Variants in NAV2 observed in about 807,000 individuals in gnomAD.
The protein encoded by NAV2 is neuron navigator 2, also known as helicase, APC down-regulated 1.
A neutral mutation model predicts 223.2 loss-of-function variants in NAV2; 54 were observed. The ratio of observed to expected loss-of-function variants is 0.24; its 90% CI spans 0.19 to 0.30. The LOEUF is 0.30. Ranked by LOEUF, NAV2 falls within the 10% of genes least tolerant of loss-of-function variation. The pLI, the probability that NAV2 is intolerant of heterozygous loss-of-function variation, is 1.00. For synonymous variants in NAV2, 1,279 were observed against 1,239.3 expected, an observed-to-expected ratio of 1.03 and a Z score of -0.67; for missense variants, 2,806 against 3,147.5, an observed-to-expected ratio of 0.89 and a Z score of 2.60.
intron 11 of NAV2, among the ~76,000 whole-genome samples, chr11:20,031,061 G>A (rs556305859): frequency 2.0e-4 from 30 of 152,242 alleles, no homozygotes; most frequent in South Asian, 6.2e-4. Flanking sequence ...TGGGCTCAGC[G>A]CCATCATATG....
chr11:20,117,065 T>A (rs2063164753), intron 37 of NAV2, among the ~76,000 whole-genome samples: 1 of 152,198 alleles, frequency 6.6e-6, no homozygotes, highest in Non-Finnish European at 1.5e-5. Flanking sequence ...CTGGGTAGAC[T>A]CTGCAAAGCA....
At chr11:19,870,145 T>G (rs754552266) in intron 4 of NAV2, among the ~76,000 whole-genome samples, 3 of 152,140 alleles carry the variant, frequency 2.0e-5, no homozygotes, top group Non-Finnish European at 2.9e-5. Flanking sequence ...CAGAAGCAGT[T>G]GTCGTGTGGT....
chr11:19,951,571 G>T (rs1175193991), intron 10 of NAV2, among the ~76,000 whole-genome samples: 2 of 14,548 alleles, frequency 1.4e-4, no homozygotes, highest in Non-Finnish European at 3.0e-4. Flanking sequence ...TGAGGTTTTT[G>T]TATCCTGTAA....
intron 1 of NAV2, among the ~76,000 whole-genome samples, chr11:19,792,524 C>T (rs1040352806): frequency 6.6e-6 from 1 of 152,162 alleles, no homozygotes; most frequent in Admixed American, 6.5e-5. Flanking sequence ...AAGAGAAAAC[C>T]TCTATTCCTC....
At chr11:19,861,899 T>C (rs1388035959) in intron 3 of NAV2, among the ~76,000 whole-genome samples, 1 of 152,226 alleles carries the variant, frequency 6.6e-6, no homozygotes, top group Non-Finnish European at 1.5e-5. Flanking sequence ...TCTCATAGGG[T>C]CTACCATCTC....
At chr11:19,412,589 C>T (rs1850192122) in intron 1 of NAV2, among the ~76,000 whole-genome samples, 1 of 152,210 alleles carries the variant, frequency 6.6e-6, no homozygotes, top group African/African-American at 2.4e-5. Context: ...GACAGACTGC[C>T]TTCTCAAGTG....
At chr11:19,900,011 T>A (rs1319319673) in intron 6 of NAV2, among the ~76,000 whole-genome samples, 1 of 152,122 alleles carries the variant, frequency 6.6e-6, no homozygotes, top group African/African-American at 2.4e-5. Flanking sequence ...AGGTGTCGGT[T>A]GGTTAGAGTG....
rs76483411 is a variant in NAV2, at chr11:19,781,396, G to T, written c.268-51088G>T. ...CTTTGATCAGGGACATCCTGGGAGG[G>T]AGGTGGAGAGGAGAGTGGGGATGGG... On this transcript the variant is annotated intron_variant, in intron 1 of 37. Coordinates refer to ENST00000349880, the MANE Select transcript of NAV2 (RefSeq NM_145117.5). Among the ~76,000 whole-genome samples, 667 of 152,310 alleles carry T rather than the reference G, an allele frequency of 4.4e-3. 4 individuals are homozygous for T. Among genetic ancestry groups the T allele is most frequent in the African/African-American group, 0.014 (575 of 41,566 alleles).
intron 1 of NAV2, among the ~76,000 whole-genome samples, chr11:19,762,019 GATCACCT>G (rs549717919): frequency 0.011 from 1,611 of 152,316 alleles, 14 homozygotes; most frequent in Non-Finnish European, 0.017. Flanking sequence ...AAGGGGGGCG[GATCACCT>G]GAGGTCAGGA....
intron 11 of NAV2, among the ~76,000 whole-genome samples, chr11:20,021,483 A>G (rs1048255609): frequency 6.6e-6 from 1 of 152,192 alleles, no homozygotes; most frequent in Admixed American, 6.5e-5. Context: ...CATACACACA[A>G]TCACCATCCC....
At chr11:20,117,793 C>A (rs2439878) in intron 37 of NAV2, among the ~76,000 whole-genome samples, 22,951 of 152,030 alleles carry the variant, frequency 0.15, 2,212 homozygotes, top group East Asian at 0.38. Context: ...AATAAATAAG[C>A]TATGTATAGA....
intron 1 of NAV2, among the ~76,000 whole-genome samples, chr11:19,376,496 G>T (rs1178110339): frequency 6.6e-6 from 1 of 152,198 alleles, no homozygotes; most frequent in Non-Finnish European, 1.5e-5. Flanking sequence ...CTGCTAGTGA[G>T]CAGCAGAGCC....
upstream of NAV2, chr11:19,711,739 G>C (rs953733253): frequency 4.6e-5 from 7 of 152,160 alleles, no homozygotes; most frequent in Non-Finnish European, 8.8e-5. Flanking sequence ...TAACAACAGG[G>C]AAAATAAAGC....
chr11:19,743,357 C>T lies in NAV2; in HGVS notation c.267+29395C>T, dbSNP rs192378050. Among the ~76,000 whole-genome samples, 36 of 152,334 alleles carry T rather than the reference C, an allele frequency of 2.4e-4. No individual in the cohort carries two copies. In the East Asian group the frequency reaches 6.6e-3, roughly 28 times the overall value. ...CCACTACCCAAGCCTAGCAACAAGA[C>T]AGATGGCAGAAGGAATGGATATGAG... On this transcript the variant is annotated intron_variant, in intron 1 of 37. Transcript: ENST00000349880.
At chr11:19,505,038 C>T (rs1196563977) in intron 1 of NAV2, 1 of 152,272 alleles carries the variant, frequency 6.6e-6, no homozygotes. Flanking sequence ...AGCCTCTTCC[C>T]ATCTTCCCAT....
chr11:19,520,949 T>C lies in NAV2; in HGVS notation c.75+169922T>C, dbSNP rs183240904. On this transcript the variant is annotated intron_variant, in intron 1 of 37. Coordinates refer to the NAV2 transcript ENST00000360655. ...ATTTTACAGCTCCCCTGGCCCTCGC[T>C]GTGGGCTGAGGCAGCGGTTTGATGG... Among the ~76,000 whole-genome samples, 118 of 152,326 alleles carry C rather than the reference T, an allele frequency of 7.7e-4. 3 individuals carry two copies. Among genetic ancestry groups the C allele is most frequent in the Non-Finnish European group, 1.0e-4 (7 of 68,020 alleles).
chr11:20,097,598 C>G lies in NAV2; in HGVS notation c.6034C>G (p.Pro2012Ala). 1.3e-6 allele frequency: 2 copies of G among 1,599,634 alleles called. No homozygotes were observed. Among genetic ancestry groups the G allele is most frequent in the Admixed American group, 1.8e-5 (1 of 55,750 alleles). The change falls in exon 31 of 38, where the codon CCA becomes GCA. Residue 2012 changes from proline (P) to alanine (A), a missense_variant. This residue lies in a region of NAV2 where 824 missense variants were observed against 1,069.4 expected (regional missense o/e 0.77). Transcript: ENST00000349880. The part of the protein sequence containing the change: ...LFKEYIIHVD[P>A]VSQLGLNSDS... ...CCAGGAATACATCATTCATGTCGAC[C>G]CAGTGAGTCAGCTAGGGCTGAATTC...
At chr11:19,725,240 A>G (rs2051138806) in intron 1 of NAV2, among the ~76,000 whole-genome samples, 1 of 152,206 alleles carries the variant, frequency 6.6e-6, no homozygotes, top group Non-Finnish European at 1.5e-5. Flanking sequence ...AAGGTCACAC[A>G]CCCAGTGAGT....
intron 1 of NAV2, among the ~76,000 whole-genome samples, chr11:19,744,169 T>G (rs1472687802): frequency 2.0e-5 from 3 of 152,236 alleles, no homozygotes; most frequent in Non-Finnish European, 4.4e-5. Flanking sequence ...GGAGCTTGGT[T>G]TTAAACCCAT....
Sources: gnomAD v4.1 joint callset for allele counts (sites outside exome capture counted in the v4.1 genomes callset) on GRCh38, gnomAD v4.1.1 for gene constraint, gnomAD v4.1.1 regional missense constraint, MANE v1.5 for transcripts, NCBI Gene and HGNC (gene_info 2026-07-23, HGNC 2026-07-21) for gene names.